The following USP28 variants were observed in gnomAD, a reference collection of about 807,000 sequenced individuals.
USP28 encodes ubiquitin specific peptidase 28.
USP28 carries 113 observed loss-of-function variants against 145.0 expected under a neutral mutation model. That is an observed-to-expected ratio of 0.78 (90% CI 0.67 to 0.91). The LOEUF is 0.91. USP28 is among the 40% of genes least tolerant of loss of function. USP28 has a pLI of 0.00. For synonymous variants in USP28, 447 were observed against 450.9 expected (o/e 0.99, Z 0.11); for missense variants, 1,201 against 1,289.6 (o/e 0.93, Z 1.05).
At chr11:113,861,149 T>C (rs1422509655) in intron 1 of USP28, among the ~76,000 whole-genome samples, 2 of 150,876 alleles carry the variant, frequency 1.3e-5, no homozygotes, top group Non-Finnish European at 3.0e-5. Context: ...ACCACCTCTG[T>C]CTGGACAACA....
At chr11:113,853,893 G>GTATA (rs1365304710) in intron 2 of USP28, among the ~76,000 whole-genome samples, 6 of 93,752 alleles carry the variant, frequency 6.4e-5, no homozygotes, top group African/African-American at 2.4e-4. Context: ...AAAAAAAAAA[G>GTATA]TATATATATA....
chr11:113,800,899 C>T (rs1311178700), intron 24 of USP28, among the ~76,000 whole-genome samples: 1 of 148,988 alleles, frequency 6.7e-6, no homozygotes, highest in East Asian at 2.0e-4. Flanking sequence ...CTGGATTGCA[C>T]TGGTGCTATC....
rs1317658592 is a variant in USP28, at chr11:113,812,395, TCATTGTA to T, written c.1846_1852del (p.Tyr616ThrfsTer20). On this transcript the variant is annotated frameshift_variant, in exon 16 of 25. Coordinates refer to ENST00000003302, the Ensembl canonical transcript of USP28. LOFTEE classifies it high-confidence loss of function. ...CCAGGAAGATTCAGTAACAGAGATG[TCATTGTA>T]CTTGAGCCAGCTCTGTCGGGGTTGA... 9.3e-6 allele frequency: 15 copies of T among 1,614,000 alleles called. No individual in the cohort carries two copies. The highest frequency in any genetic ancestry group is 1.3e-5 in the Non-Finnish European group (15 of 1,180,016).
chr11:113,818,133 C>T (rs535824222), intron 12 of USP28: 15 of 255,418 alleles, frequency 5.9e-5, no homozygotes, highest in Non-Finnish European at 8.8e-5. Context: ...AGGCTTTGGT[C>T]ATTTATTTAT....
intron 5 of USP28, among the ~76,000 whole-genome samples, chr11:113,837,108 GCT>G (rs1944647055): frequency 6.6e-6 from 1 of 152,028 alleles, no homozygotes; most frequent in South Asian, 2.1e-4. Flanking sequence ...CCCTAACCTT[GCT>G]CTTTTTTCTA....
At chr11:113,852,200 T>C (rs1268830549) in intron 3 of USP28, among the ~76,000 whole-genome samples, 2 of 152,116 alleles carry the variant, frequency 1.3e-5, no homozygotes, top group Non-Finnish European at 2.9e-5. Context: ...AGCTAATTTT[T>C]TGTATTTTTA....
chr11:113,827,911 C>T (rs1943558449), intron 10 of USP28, among the ~76,000 whole-genome samples: 1 of 152,166 alleles, frequency 6.6e-6, no homozygotes, highest in Non-Finnish European at 1.5e-5. Context: ...TTTACAATTT[C>T]TCAATTTCTA....
chr11:113,855,868 G>A (rs989769360), intron 1 of USP28, among the ~76,000 whole-genome samples: 6 of 152,154 alleles, frequency 3.9e-5, no homozygotes, highest in Non-Finnish European at 5.9e-5. Flanking sequence ...CCAAGATCGC[G>A]GCATTGCAAC....
intron 8 of USP28, among the ~76,000 whole-genome samples, chr11:113,831,223 G>A (rs150129672): frequency 1.3e-5 from 2 of 152,248 alleles, no homozygotes; most frequent in African/African-American, 4.8e-5. Flanking sequence ...AGACAAATAT[G>A]CTTTCAGTAT....
intron 5 of USP28, among the ~76,000 whole-genome samples, chr11:113,837,995 GAA>G (rs67545117): frequency 1.4e-5 from 2 of 145,230 alleles, no homozygotes; most frequent in Admixed American, 6.8e-5. Context: ...TTTCACAGAG[GAA>G]AAAAAAAAAG....
chr11:113,800,753 T>C (rs1320415198), intron 24 of USP28, among the ~76,000 whole-genome samples: 5 of 152,110 alleles, frequency 3.3e-5, no homozygotes, highest in Non-Finnish European at 7.4e-5. Context: ...CTAATTAATC[T>C]TGAAGTCATC....
exon 25 of USP28, chr11:113,797,919 G>C (rs944953980): frequency 6.6e-6 from 1 of 152,422 alleles, no homozygotes; most frequent in East Asian, 1.9e-4. Flanking sequence ...CTGCATAGTT[G>C]TATCAATTTT....
At chr11:113,844,104 A>G (rs1331034646) in intron 3 of USP28, among the ~76,000 whole-genome samples, 1 of 152,140 alleles carries the variant, frequency 6.6e-6, no homozygotes, top group Non-Finnish European at 1.5e-5. Flanking sequence ...CCAAAGAAAA[A>G]ATAGATTAAA....
chr11:113,839,238 A>T (rs1565433876), intron 5 of USP28, among the ~76,000 whole-genome samples: 1 of 152,226 alleles, frequency 6.6e-6, no homozygotes, highest in Non-Finnish European at 1.5e-5. Flanking sequence ...AATGAAGGGT[A>T]GTTAAGACCA....
At chr11:113,829,273 T>A in exon 10 of USP28, 1 of 1,613,914 alleles carries the variant, frequency 6.2e-7, no homozygotes, top group Non-Finnish European at 8.5e-7. Context: ...TTCCAAACAC[T>A]CGTCTAAGTT....
intron 5 of USP28, among the ~76,000 whole-genome samples, chr11:113,836,217 C>G (rs542651971): frequency 6.6e-6 from 1 of 152,308 alleles, no homozygotes; most frequent in African/African-American, 2.4e-5. Context: ...CCTCCTCCCC[C>G]AGTCACCAAA....
At chr11:113,869,829 C>T (rs1012861708) in intron 1 of USP28, among the ~76,000 whole-genome samples, 2 of 152,116 alleles carry the variant, frequency 1.3e-5, no homozygotes, top group Admixed American at 6.5e-5. Flanking sequence ...GTTCAAAAAG[C>T]ACTGGGAAAC....
At chr11:113,839,104 CT>C (rs1259131261) in intron 5 of USP28, among the ~76,000 whole-genome samples, 1 of 152,192 alleles carries the variant, frequency 6.6e-6, no homozygotes, top group Non-Finnish European at 1.5e-5. Context: ...GAGCCCAGCA[CT>C]TTTTCTGAAG....
At chr11:113,802,185 ACTT>A (rs1450301045) in intron 23 of USP28, among the ~76,000 whole-genome samples, 12 of 152,244 alleles carry the variant, frequency 7.9e-5, no homozygotes, top group African/African-American at 2.9e-4. Flanking sequence ...TAATTGCATT[ACTT>A]CAGAAGCTGA....
Sources: gnomAD v4.1 joint callset for allele counts (sites outside exome capture counted in the v4.1 genomes callset) on GRCh38, gnomAD v4.1.1 for gene constraint, MANE v1.5 for transcripts, NCBI Gene and HGNC (gene_info 2026-07-23, HGNC 2026-07-21) for gene names.